The following RBM4 variants were observed in gnomAD, a reference collection of about 807,000 sequenced individuals.
The protein encoded by RBM4 is RNA-binding protein 4.
Under a neutral mutation model 29.5 loss-of-function variants are expected in RBM4, and 7 were observed. The observed-to-expected ratio is 0.24, with a 90% confidence interval of 0.14 to 0.45. The LOEUF is 0.45. Ranked by LOEUF, RBM4 falls within the 20% of genes least tolerant of loss-of-function variation. RBM4 has a pLI of 1.00. For missense variants in RBM4, 387 were observed against 502.3 expected, an observed-to-expected ratio of 0.77 and a Z score of 2.19; for synonymous variants, 220 against 205.4, an observed-to-expected ratio of 1.07 and a Z score of -0.61.
intron 2 of RBM4, among the ~76,000 whole-genome samples, chr11:66,652,850 C>T (rs887531271): frequency 6.6e-6 from 1 of 152,184 alleles, no homozygotes; most frequent in Non-Finnish European, 1.5e-5. Flanking sequence ...AAACATACAA[C>T]CCCACCCGCA....
rs1023752767 is a variant in RBM4 at position 66,638,762 on chromosome 11, C to T, written c.-13+10C>T. ...GCTGGTTTCTGTGCGGGTGAGACTC[C>T]GAGCCTTTCCACTGCCTTTCTTGTA... On this transcript the variant is annotated intron_variant, in intron 1 of 3. Transcript: ENST00000310092. 1.3e-5 allele frequency: 2 copies of T among 152,648 alleles called. No homozygotes were observed. The highest frequency in any genetic ancestry group is 4.8e-5 in the African/African-American group (2 of 41,440). The allele number at this position is 152,648 out of a possible 1,614,324, so 9.5% of individuals were successfully genotyped here. A position where few individuals can be genotyped will look rare whatever the true frequency, so the allele number is the denominator to read the frequency against.
intron 2 of RBM4, among the ~76,000 whole-genome samples, chr11:66,664,181 T>G (rs562099744): frequency 2.0e-5 from 3 of 149,270 alleles, no homozygotes; most frequent in East Asian, 2.0e-4. Context: ...GTTTTTTTTT[T>G]TTTTTTTTTT....
intron 3 of RBM4, among the ~76,000 whole-genome samples, chr11:66,645,744 T>A (rs934398865): frequency 6.6e-6 from 1 of 152,196 alleles, no homozygotes; most frequent in African/African-American, 2.4e-5. Context: ...GGAATGCTAA[T>A]GTTAACATCA....
At chr11:66,656,411 A>G (rs564474044) in intron 2 of RBM4, among the ~76,000 whole-genome samples, 114 of 152,150 alleles carry the variant, frequency 7.5e-4, no homozygotes, top group African/African-American at 2.6e-3. Flanking sequence ...AAGTGCTGGG[A>G]TTACAGGTGT....
chr11:66,663,248 A>G (rs186477875), intron 2 of RBM4, among the ~76,000 whole-genome samples: 33 of 152,364 alleles, frequency 2.2e-4, no homozygotes, highest in African/African-American at 7.9e-4. Flanking sequence ...AATCATTAAT[A>G]TGTGATTTGC....
chr11:66,644,029 G>C lies in RBM4; in HGVS notation c.992G>C (p.Ser331Thr), dbSNP rs1347566978. The C allele has an allele frequency of 1.1e-5, 18 of 1,613,780 alleles. No homozygotes were observed. Among genetic ancestry groups the C allele is most frequent in the Non-Finnish European group, 1.5e-5 (18 of 1,180,040 alleles). The change falls in exon 3 of 4, where the codon AGT becomes ACT. Residue 331 changes from serine to threonine, a missense_variant. Transcript: ENST00000310092. Reference sequence around the variant, plus strand: ...GAGGGCTACGGTTACGGGCATGAGAGTGAGTTGTCCCAAGCTTCAGCAGCC... The same window carrying C: ...GAGGGCTACGGTTACGGGCATGAGACTGAGTTGTCCCAAGCTTCAGCAGCC... Reference protein sequence around the residue: ...VGEGYGYGHESELSQASAAAR... With the variant: ...VGEGYGYGHETELSQASAAAR...
downstream of RBM4, chr11:66,649,808 C>G (rs1245942585): frequency 4.3e-6 from 3 of 698,682 alleles, no homozygotes; most frequent in South Asian, 3.0e-5. Context: ...AACTCCTGAG[C>G]TCAAGGGATC....
intron 3 of RBM4, chr11:66,644,521 C>T (rs1052777261): frequency 2.5e-5 from 7 of 285,250 alleles, no homozygotes; most frequent in Non-Finnish European, 3.3e-5. Context: ...CCTACGTGTG[C>T]GACATTCCTA....
rs1287808200 is a variant in RBM4, at chr11:66,646,064, G to A, written c.*46G>A. ...TGGGCTGAAATTCCGAGCTGCGGTT[G>A]TGCATGAGAATACACCCTTCGTGGT... On this transcript the variant is annotated 3_prime_UTR_variant, in exon 4 of 4. Transcript: ENST00000310092. 2.6e-6 allele frequency: 4 copies of A among 1,536,120 alleles called. No homozygotes were observed. The East Asian group carries it at 9.8e-5, about 38-fold the overall frequency.
At chr11:66,645,888 C>G (rs1422807112) in intron 3 of RBM4, 139 bp from the exon 4 acceptor site, 2 of 1,441,324 alleles carry the variant, frequency 1.4e-6, no homozygotes, top group Non-Finnish European at 1.9e-6. Context: ...TTAGAGATTA[C>G]TGTGATACTG....
At chr11:66,663,035 A>G (rs866108718) in intron 2 of RBM4, among the ~76,000 whole-genome samples, 13 of 152,344 alleles carry the variant, frequency 8.5e-5, no homozygotes, top group African/African-American at 7.2e-5. Context: ...GATTAAGTAT[A>G]AAATATGTGA....
At position 66,665,381 on chromosome 11, in the gene RBM4, A is replaced by G; in HGVS notation, c.413-475A>G. On this transcript the variant is annotated intron_variant, in intron 2 of 2. Transcript: ENST00000396053. ...CAGAGGCTGAGAATATAAGGAACAG[A>G]GTGAAAGGCTACAGAGACTAGTTTC... 2.3e-5 allele frequency: 14 copies of G among 614,080 alleles called. No homozygotes were observed. The South Asian group carries it at 2.7e-4, about 12-fold the overall frequency. 38.0% of individuals were successfully genotyped at this position (614,080 alleles called of 1,614,324 possible).
At chr11:66,645,090 C>T (rs1182006832) in intron 3 of RBM4, among the ~76,000 whole-genome samples, 1 of 152,110 alleles carries the variant, frequency 6.6e-6, no homozygotes, top group Non-Finnish European at 1.5e-5. Context: ...TCACTCCCTT[C>T]TTCATCTTCT....
chr11:66,644,054 C>CA lies in RBM4; in HGVS notation c.1017_1018insA (p.Ala340SerfsTer12). ...GTGAGTTGTCCCAAGCTTCAGCAGC[C>CA]GCGCGGAATTCTCTGTACGACATGG... On this transcript the variant is annotated frameshift_variant, in exon 3 of 4. Coordinates refer to ENST00000310092, the MANE Select transcript of RBM4 (RefSeq NM_002896.4). LOFTEE classifies it high-confidence loss of function. The CA allele has an allele frequency of 6.2e-7, 1 of 1,614,000 alleles. No individual in the cohort carries two copies. The highest frequency in any genetic ancestry group is 8.5e-7 in the Non-Finnish European group (1 of 1,180,020).
intron 2 of RBM4, among the ~76,000 whole-genome samples, chr11:66,660,145 T>C (rs971874018): frequency 2.6e-4 from 40 of 151,250 alleles, no homozygotes; most frequent in African/African-American, 9.0e-4. Context: ...TTTTTTTTTT[T>C]TTTTAAATCT....
chr11:66,653,551 A>G (rs1216431931), intron 2 of RBM4, among the ~76,000 whole-genome samples: 2 of 152,090 alleles, frequency 1.3e-5, no homozygotes, highest in Non-Finnish European at 2.9e-5. Flanking sequence ...TAGTAGAGAC[A>G]GGGTTTCACC....
At chr11:66,655,515 C>T (rs1311638137) in intron 2 of RBM4, among the ~76,000 whole-genome samples, 1 of 152,100 alleles carries the variant, frequency 6.6e-6, no homozygotes, top group Non-Finnish European at 1.5e-5. Flanking sequence ...CTCCTGGGCT[C>T]AAGCGATTCT....
Position 66,643,903 on chromosome 11 carries a change from C to T in RBM4, c.866C>T (p.Ala289Val), listed in dbSNP as rs770555746. The stretch of plus-strand genomic sequence containing the variant: ...GGAGCTGCTGCCACAGCTGCTGCTG[C>T]AGCAGCAGCCGCTGCTGCTGTTACT... ...TSGAAATAAA[A>V]AAAAAAVTAA... Residue 289 changes from alanine (A) to valine (V), a missense_variant, in exon 3 of 4, where the codon GCA becomes GTA. Physicochemically the swap from Ala to Val is moderately conservative, Grantham distance 64. Transcript: ENST00000310092. This position sits in a 1 kb window ranked among gnomAD's most constrained non-coding sequence, Gnocchi z 6.1. 6.2e-7 allele frequency: 1 copy of T among 1,609,896 alleles called. No homozygotes were observed. Among genetic ancestry groups the T allele is most frequent in the Non-Finnish European group, 8.5e-7 (1 of 1,178,818 alleles).
chr11:66,648,246 G>A (rs1051383341), downstream of RBM4, among the ~76,000 whole-genome samples: 2 of 151,606 alleles, frequency 1.3e-5, no homozygotes, highest in Non-Finnish European at 2.9e-5. Flanking sequence ...TTGGCCAGGT[G>A]CAGTGACTCA....
Sources: gnomAD v4.1 joint callset for allele counts (sites outside exome capture counted in the v4.1 genomes callset) on GRCh38, gnomAD v4.1.1 for gene constraint, Gnocchi (gnomAD v3.1) non-coding constraint, MANE v1.5 for transcripts, NCBI Gene and HGNC (gene_info 2026-07-23, HGNC 2026-07-21) for gene names.